EXT1: variants seen among roughly 807,000 people sequenced by gnomAD.
EXT1 encodes the protein exostosin-1.
In EXT1, 20 loss-of-function variants were observed where a neutral mutation model predicts 82.5. The ratio of observed to expected loss-of-function variants is 0.24; its 90% CI spans 0.17 to 0.35. The LOEUF is 0.35. Among genes scored for constraint, EXT1 ranks in the 10% least tolerant of loss-of-function variants. The pLI is 1.00. For missense variants in EXT1, 757 were observed against 936.5 expected, an observed-to-expected ratio of 0.81 and a Z score of 2.50; for synonymous variants, 348 against 350.8, an observed-to-expected ratio of 0.99 and a Z score of 0.09.
At chr8:118,036,426 C>A (rs1306242039) in intron 1 of EXT1, among the ~76,000 whole-genome samples, 2 of 152,116 alleles carry the variant, frequency 1.3e-5, no homozygotes, top group Non-Finnish European at 2.9e-5. Flanking sequence ...CCCCACTGAT[C>A]TCTTGCCTGG....
intron 1 of EXT1, among the ~76,000 whole-genome samples, chr8:117,857,716 A>G (rs1812590830): frequency 6.6e-6 from 1 of 152,048 alleles, no homozygotes; most frequent in African/African-American, 2.4e-5. Flanking sequence ...AAAAAAACAA[A>G]GTAATTTTAA....
chr8:117,982,018 T>C (rs915905961), intron 1 of EXT1, among the ~76,000 whole-genome samples: 1 of 152,232 alleles, frequency 6.6e-6, no homozygotes, highest in African/African-American at 2.4e-5. Context: ...TTTCCCTCAA[T>C]GATTAGTTTT....
At position 117,846,156 on chromosome 8, in the gene EXT1, G is replaced by A. The variant is rs146768781; in HGVS notation, c.963-8955C>T. 2.7e-3 allele frequency among the ~76,000 whole-genome samples: 412 copies of A among 152,202 alleles called. 3 individuals are homozygous for A. Among genetic ancestry groups the A allele is most frequent in the East Asian group, 0.013 (67 of 5,170 alleles). ...GTCTTCTTGCTCTGTTGCTCAGGCT[G>A]GAGTGCAGTGGCATGATCTCAGCTC... is the stretch of plus-strand genomic sequence containing the variant. On this transcript the variant is annotated intron_variant, in intron 1 of 10. Transcript: ENST00000378204.
At chr8:117,898,742 G>C (rs1483612484) in intron 1 of EXT1, among the ~76,000 whole-genome samples, 3 of 151,918 alleles carry the variant, frequency 2.0e-5, no homozygotes, top group Non-Finnish European at 4.4e-5. Context: ...TGCAAGCATA[G>C]ATTCCAATTC....
intron 1 of EXT1, among the ~76,000 whole-genome samples, chr8:118,043,673 C>T (rs185470380): frequency 1.3e-5 from 2 of 152,348 alleles, no homozygotes; most frequent in East Asian, 3.9e-4. Flanking sequence ...AACTCCAATG[C>T]AGACACAGTG....
At chr8:117,836,136 T>C (rs1444797603) in intron 2 of EXT1, among the ~76,000 whole-genome samples, 6 of 152,236 alleles carry the variant, frequency 3.9e-5, no homozygotes, top group South Asian at 2.1e-4. Flanking sequence ...TACCAATTTA[T>C]GGTCTGTGCC....
intron 1 of EXT1, among the ~76,000 whole-genome samples, chr8:118,043,810 G>A (rs1308543988): frequency 8.5e-5 from 13 of 152,204 alleles, no homozygotes; most frequent in Admixed American, 6.5e-4. Flanking sequence ...CCACTACTGG[G>A]AGGAGGAGAG....
intron 1 of EXT1, among the ~76,000 whole-genome samples, chr8:117,868,545 A>G (rs1812812934): frequency 6.6e-6 from 1 of 152,114 alleles, no homozygotes; most frequent in African/African-American, 2.4e-5. Flanking sequence ...TCAACCTACC[A>G]GGCTCAAGAA....
At chr8:118,050,082 G>A (rs1359375525) in intron 1 of EXT1, among the ~76,000 whole-genome samples, 2 of 152,124 alleles carry the variant, frequency 1.3e-5, no homozygotes, top group Non-Finnish European at 2.9e-5. Flanking sequence ...AGGGCTAAAC[G>A]CCACCAGTTT....
At position 117,926,858 on chromosome 8, in the gene EXT1, C is replaced by T. The variant is rs17453225; in HGVS notation, c.963-89657G>A. On this transcript the variant is annotated intron_variant, in intron 1 of 10. Transcript: ENST00000378204. ...GTCCAGGTTATTGAAAATAACTGCA[C>T]TGCCAGTGTCTCTTGGTTTAAAGGT... 5.3e-3 allele frequency among the ~76,000 whole-genome samples: 802 copies of T among 152,286 alleles called. 2 individuals are homozygous for T. The highest frequency in any genetic ancestry group is 9.4e-3 in the Non-Finnish European group (640 of 68,026).
rs369080578 is a variant in EXT1 at position 117,868,806 on chromosome 8, G to C, written c.963-31605C>G. Reference sequence around the variant, plus strand: ...TATATATTCTTCCACACATCCTCACGACCAAGGGGTATGTTACTATGAAAA... The same window carrying C: ...TATATATTCTTCCACACATCCTCACCACCAAGGGGTATGTTACTATGAAAA... On this transcript the variant is annotated intron_variant, in intron 1 of 10. Transcript: ENST00000378204. 1.8e-4 allele frequency among the ~76,000 whole-genome samples: 27 copies of C among 152,224 alleles called. 1 individual carries two copies. In the South Asian group the frequency reaches 4.8e-3, roughly 27 times the overall value.
intron 1 of EXT1, among the ~76,000 whole-genome samples, chr8:117,881,725 C>A (rs948081210): frequency 2.0e-5 from 3 of 152,154 alleles, no homozygotes; most frequent in African/African-American, 7.2e-5. Context: ...CTGTTTGTCC[C>A]TAAAAAGAAA....
At chr8:118,100,819 G>A (rs1236027270) in intron 1 of EXT1, among the ~76,000 whole-genome samples, 1 of 151,746 alleles carries the variant, frequency 6.6e-6, no homozygotes, top group Non-Finnish European at 1.5e-5. Context: ...GGAACCTGAA[G>A]GCCATGGAGT....
intron 8 of EXT1, among the ~76,000 whole-genome samples, chr8:117,811,749 T>A (rs1823328100): frequency 6.6e-6 from 1 of 152,148 alleles, no homozygotes; most frequent in Non-Finnish European, 1.5e-5. Context: ...CCCGAGTAGC[T>A]GAGAATACAG....
Position 117,819,925 on chromosome 8 carries a change from T to C in EXT1, c.1418-131A>G, listed in dbSNP as rs1004194074. Reference sequence around the variant, plus strand: ...TGGATGATTTCTCCTTTGCTTCTTATGTCCTGACAGGACAGAAACAAGATG... The same window carrying C: ...TGGATGATTTCTCCTTTGCTTCTTACGTCCTGACAGGACAGAAACAAGATG... On this transcript the variant is annotated intron_variant, in intron 5 of 10. Transcript: ENST00000378204. 5.9e-6 allele frequency: 5 copies of C among 853,560 alleles called. No homozygotes were observed. In the African/African-American group the frequency reaches 8.4e-5, roughly 14 times the overall value. 52.9% of individuals were successfully genotyped at this position (853,560 alleles called of 1,614,324 possible).
At chr8:117,857,447 C>A (rs17474902) in intron 1 of EXT1, among the ~76,000 whole-genome samples, 44,462 of 151,818 alleles carry the variant, frequency 0.29, 7,508 homozygotes, top group East Asian at 0.5. Context: ...AATCCTATAT[C>A]ATCCTAGCAC....
At chr8:117,858,395 G>A (rs988973981) in intron 1 of EXT1, among the ~76,000 whole-genome samples, 3 of 152,194 alleles carry the variant, frequency 2.0e-5, no homozygotes, top group African/African-American at 7.2e-5. Flanking sequence ...CTGTCAGCCA[G>A]GCACAGTGGC....
rs554064813 is a variant in EXT1, at chr8:117,865,224, G to A, written c.963-28023C>T. ...GCTTTGTCGCTCAGGCTGGTGTACA[G>A]TGGTGCAATTATGGCTCACTGCAGC... On this transcript the variant is annotated intron_variant, in intron 1 of 10. Coordinates refer to ENST00000378204, the MANE Select transcript of EXT1 (RefSeq NM_000127.3). Among the ~76,000 whole-genome samples the A allele has an allele frequency of 2.0e-5, 3 of 152,284 alleles. No individual in the cohort carries two copies. The East Asian group carries it at 5.8e-4, about 29-fold the overall frequency.
chr8:118,031,636 G>C (rs1449537127), intron 1 of EXT1, among the ~76,000 whole-genome samples: 3 of 151,958 alleles, frequency 2.0e-5, no homozygotes, highest in African/African-American at 7.3e-5. Context: ...TGAGCAGCCA[G>C]GCTTTGACTT....
Sources: allele counts gnomAD v4.1 joint callset (sites outside exome capture counted in the v4.1 genomes callset), GRCh38; gene constraint gnomAD v4.1.1; transcripts MANE v1.5; gene names NCBI Gene and HGNC (gene_info 2026-07-23, HGNC 2026-07-21).